CATSPERT: variants seen among roughly 807,000 people sequenced by gnomAD.
CATSPERT encodes cation channel sperm-associated targeting subunit tau.
chr2:201,556,465 C>G, the CATSPERT span, among the ~76,000 whole-genome samples: 1 of 150,736 alleles, frequency 6.6e-6, no homozygotes, highest in African/African-American at 2.4e-5. Context: ...GCCGAGATCA[C>G]GCCATTGACT....
At chr2:201,612,701 T>C in the CATSPERT span, among the ~76,000 whole-genome samples, 1 of 151,658 alleles carries the variant, frequency 6.6e-6, no homozygotes, top group Non-Finnish European at 1.5e-5. Flanking sequence ...ACTGGGTTCA[T>C]CTCACTGGGG....
the CATSPERT span, chr2:201,492,315 C>CT: frequency 6.5e-7 from 1 of 1,535,946 alleles, no homozygotes; most frequent in Non-Finnish European, 8.7e-7. Flanking sequence ...CTTCTAATTG[C>CT]TTTTTTGTCA....
chr2:201,614,326 A>T, the CATSPERT span, among the ~76,000 whole-genome samples: 16 of 152,344 alleles, frequency 1.1e-4, no homozygotes, highest in Admixed American at 3.3e-4. Flanking sequence ...CGGGTTACCC[A>T]CAAAGGGAAG....
At chr2:201,596,211 G>T in the CATSPERT span, among the ~76,000 whole-genome samples, 1 of 152,196 alleles carries the variant, frequency 6.6e-6, no homozygotes, top group Non-Finnish European at 1.5e-5. Context: ...TAAAGAAAAT[G>T]TAGTACATAT....
At chr2:201,536,106 T>A in the CATSPERT span, 1 of 1,613,532 alleles carries the variant, frequency 6.2e-7, no homozygotes, top group African/African-American at 1.3e-5. Flanking sequence ...ATTTTTCATT[T>A]TTCTGTCTGG....
At chr2:201,588,905 G>A in the CATSPERT span, among the ~76,000 whole-genome samples, 2 of 152,060 alleles carry the variant, frequency 1.3e-5, no homozygotes, top group Non-Finnish European at 2.9e-5. Context: ...AACAACTTCA[G>A]CAAAGTCCTA....
the CATSPERT span, chr2:201,582,328 A>G: frequency 2.1e-6 from 2 of 967,936 alleles, no homozygotes; most frequent in African/African-American, 1.7e-5. Context: ...TTATGCAAAT[A>G]CTATTGCATA....
chr2:201,605,717 C>A, the CATSPERT span, among the ~76,000 whole-genome samples: 3 of 152,170 alleles, frequency 2.0e-5, no homozygotes, highest in Admixed American at 2.0e-4. Context: ...CCCAAATAAC[C>A]ACAAAACAGA....
the CATSPERT span, among the ~76,000 whole-genome samples, chr2:201,565,047 TAA>T: frequency 6.6e-6 from 1 of 150,640 alleles, no homozygotes; most frequent in African/African-American, 2.5e-5. Flanking sequence ...AACTAGAATA[TAA>T]GTCAGAAGAA....
chr2:201,608,133 T>C, the CATSPERT span, among the ~76,000 whole-genome samples: 2 of 152,164 alleles, frequency 1.3e-5, no homozygotes, highest in Non-Finnish European at 2.9e-5. Context: ...TATAGGGTAA[T>C]TGCCTCCAGC....
chr2:201,552,400 A>G, the CATSPERT span, among the ~76,000 whole-genome samples: 6 of 152,204 alleles, frequency 3.9e-5, no homozygotes, highest in Non-Finnish European at 7.3e-5. Context: ...CATTACAAGA[A>G]TAAGTTGAGT....
the CATSPERT span, chr2:201,618,892 T>TC: frequency 2.5e-6 from 4 of 1,613,010 alleles, no homozygotes; most frequent in Non-Finnish European, 3.4e-6. Context: ...AGGCCCCCGC[T>TC]CACTCACGTT....
chr2:201,585,910 A>T, the CATSPERT span, among the ~76,000 whole-genome samples: 1 of 152,086 alleles, frequency 6.6e-6, no homozygotes, highest in Non-Finnish European at 1.5e-5. Flanking sequence ...TTTTCAATAA[A>T]AGTTAGACCC....
the CATSPERT span, among the ~76,000 whole-genome samples, chr2:201,569,643 A>G: frequency 1.3e-4 from 20 of 152,068 alleles, no homozygotes; most frequent in Non-Finnish European, 2.5e-4. Context: ...ACCCTTCACA[A>G]ACTCATTTCT....
the CATSPERT span, among the ~76,000 whole-genome samples, chr2:201,520,390 C>T: frequency 6.6e-6 from 1 of 152,200 alleles, no homozygotes; most frequent in Non-Finnish European, 1.5e-5. Context: ...GAGCACAGAA[C>T]ATTCTTCAGG....
At chr2:201,531,681 A>G in the CATSPERT span, among the ~76,000 whole-genome samples, 1 of 152,180 alleles carries the variant, frequency 6.6e-6, no homozygotes, top group Non-Finnish European at 1.5e-5. Flanking sequence ...GAAGATCCGC[A>G]GGGGAGAGCA....
At chr2:201,526,946 A>G in the CATSPERT span, among the ~76,000 whole-genome samples, 5 of 152,220 alleles carry the variant, frequency 3.3e-5, no homozygotes, top group Non-Finnish European at 5.9e-5. Context: ...AATGCATCCA[A>G]AAAGGAAGTG....
the CATSPERT span, among the ~76,000 whole-genome samples, chr2:201,552,157 G>A: frequency 6.6e-6 from 1 of 151,756 alleles, no homozygotes; most frequent in South Asian, 2.1e-4. Context: ...GCTAAGTTTT[G>A]TATTTTTTGT....
chr2:201,611,145 C>T, the CATSPERT span, among the ~76,000 whole-genome samples: 1 of 151,974 alleles, frequency 6.6e-6, no homozygotes, highest in Non-Finnish European at 1.5e-5. Context: ...AAAAGGCATC[C>T]AAATTGGAAA....
Sources: gnomAD v4.1 joint callset for allele counts (sites outside exome capture counted in the v4.1 genomes callset) on GRCh38, gnomAD v4.1.1 for gene constraint, MANE v1.5 for transcripts, NCBI Gene and HGNC (gene_info 2026-07-23, HGNC 2026-07-21) for gene names.